The following SLIT3 variants were observed in gnomAD, a reference collection of about 807,000 sequenced individuals.
The protein encoded by SLIT3 is slit homolog 3 protein.
In SLIT3, 68 loss-of-function variants were observed where a neutral mutation model predicts 184.0. The ratio of observed to expected loss-of-function variants is 0.37; its 90% confidence interval spans 0.30 to 0.45. The LOEUF (loss-of-function observed/expected upper bound fraction) is 0.45. SLIT3 is among the 20% of genes least tolerant of loss of function. The pLI is 1.00. For missense variants in SLIT3, 1,707 were observed against 2,026.0 expected, an observed-to-expected ratio of 0.84 and a Z score of 3.02; for synonymous variants, 831 against 828.6, an observed-to-expected ratio of 1.00 and a Z score of -0.05.
At chr5:168,914,874 A>G (rs1421344202) in intron 4 of SLIT3, among the ~76,000 whole-genome samples, 1 of 152,162 alleles carries the variant, frequency 6.6e-6, no homozygotes, top group Non-Finnish European at 1.5e-5. Flanking sequence ...TCCACTGTAG[A>G]GGACATTGGG....
chr5:168,988,909 A>T (rs1406244140), intron 4 of SLIT3, among the ~76,000 whole-genome samples: 1 of 152,180 alleles, frequency 6.6e-6, no homozygotes, highest in Non-Finnish European at 1.5e-5. Context: ...CCAGGCCAGC[A>T]TTTGTCCTCA....
At chr5:168,914,264 G>A (rs1214326985) in intron 4 of SLIT3, among the ~76,000 whole-genome samples, 1 of 152,176 alleles carries the variant, frequency 6.6e-6, no homozygotes, top group Non-Finnish European at 1.5e-5. Context: ...GAATTAATTA[G>A]GTTGCACTAA....
chr5:169,077,888 A>T (rs1200945837), intron 4 of SLIT3, among the ~76,000 whole-genome samples: 1 of 151,538 alleles, frequency 6.6e-6, no homozygotes, highest in African/African-American at 2.4e-5. Context: ...ATATTATTTT[A>T]AAAAATAGCA....
At position 169,105,164 on chromosome 5, in the gene SLIT3, G is replaced by C. The variant is rs527423817; in HGVS notation, c.413+88315C>G. 3.3e-5 allele frequency among the ~76,000 whole-genome samples: 5 copies of C among 152,148 alleles called. No homozygotes were observed. The East Asian group carries it at 9.7e-4, about 29-fold the overall frequency. ...TTTCCCCTTTGTTTTCTCATGGCTC[G>C]TGGGTTCAGGGTTTCTTTTATTTTT... On this transcript the variant is annotated intron_variant, in intron 4 of 35. Transcript: ENST00000519560.
chr5:168,814,489 G>C (rs971374570), intron 8 of SLIT3, among the ~76,000 whole-genome samples: 1 of 152,148 alleles, frequency 6.6e-6, no homozygotes, highest in Admixed American at 6.5e-5. Flanking sequence ...GTGGGGCTCA[G>C]GCATTGGGGC....
chr5:168,722,800 T>A, intron 22 of SLIT3, 133 bp downstream of exon 22: 1 of 726,760 alleles, frequency 1.4e-6, no homozygotes, highest in Middle Eastern at 3.4e-4. Flanking sequence ...TTAAGGTGTA[T>A]CTTATGCTAG....
intron 4 of SLIT3, among the ~76,000 whole-genome samples, chr5:169,145,105 G>A (rs1244612562): frequency 6.6e-6 from 1 of 152,186 alleles, no homozygotes; most frequent in Non-Finnish European, 1.5e-5. Flanking sequence ...ATTTGTTCAA[G>A]GTGCATCATC....
intron 32 of SLIT3, among the ~76,000 whole-genome samples, chr5:168,673,989 T>C (rs1761332745): frequency 6.6e-6 from 1 of 152,234 alleles, no homozygotes; most frequent in African/African-American, 2.4e-5. Context: ...CCCTTAAATA[T>C]CAGCAAGGAT....
intron 4 of SLIT3, among the ~76,000 whole-genome samples, chr5:169,161,304 C>T (rs943234412): frequency 3.9e-5 from 6 of 152,236 alleles, no homozygotes; most frequent in Admixed American, 2.6e-4. Context: ...CTCCCACTGC[C>T]TGCCCTCTCA....
In SLIT3 at chr5:169,009,538, C is replaced by A. The variant is rs919770984; in HGVS notation, c.414-126202G>T. ...CATGAAGAACAAACCTGTAGTAAAC[C>A]AGGGTTGTCATATTTGGTCTGTCGT... On this transcript the variant is annotated intron_variant, in intron 4 of 35. Coordinates refer to ENST00000519560, the MANE Select transcript of SLIT3 (RefSeq NM_003062.4). Among the ~76,000 whole-genome samples, 6 of 152,214 alleles carry A rather than the reference C, an allele frequency of 3.9e-5. No homozygotes were observed. The East Asian group carries it at 1.2e-3, about 29-fold the overall frequency.
At chr5:168,831,657 G>C (rs1757886466) in intron 6 of SLIT3, among the ~76,000 whole-genome samples, 1 of 152,134 alleles carries the variant, frequency 6.6e-6, no homozygotes, top group Admixed American at 6.5e-5. Flanking sequence ...AAAGTGATTT[G>C]GCACCGGGTG....
Position 169,006,611 on chromosome 5 carries a change from A to T in SLIT3, c.414-123275T>A, listed in dbSNP as rs1044171261. Among the ~76,000 whole-genome samples, 501 of 141,152 alleles carry T rather than the reference A, an allele frequency of 3.5e-3. 4 individuals carry two copies. Among genetic ancestry groups the T allele is most frequent in the African/African-American group, 0.011 (376 of 34,990 alleles). The allele number at this position is 141,152 out of a possible 152,430, so 92.6% of individuals were successfully genotyped here. On this transcript the variant is annotated intron_variant, in intron 4 of 35. Coordinates refer to ENST00000519560, the MANE Select transcript of SLIT3 (RefSeq NM_003062.4). ...CTCTCTCTCTCTCTCTCTCTCACAC[A>T]CACACACACACACACACACAACTCT...
intron 4 of SLIT3, among the ~76,000 whole-genome samples, chr5:169,076,203 A>C (rs1024950951): frequency 5.3e-5 from 8 of 152,206 alleles, no homozygotes; most frequent in African/African-American, 1.9e-4. Flanking sequence ...AGGAAGATGC[A>C]TTGACTTTTC....
chr5:168,668,840 G>A (rs2113161207), intron 35 of SLIT3, among the ~76,000 whole-genome samples: 1 of 152,332 alleles, frequency 6.6e-6, no homozygotes, highest in South Asian at 2.1e-4. Flanking sequence ...GTTGATCTTG[G>A]CTGACTGTAA....
At chr5:168,740,137 C>T (rs1763575598) in intron 20 of SLIT3, among the ~76,000 whole-genome samples, 1 of 152,114 alleles carries the variant, frequency 6.6e-6, no homozygotes, top group Non-Finnish European at 1.5e-5. Context: ...ATTTAAGAGC[C>T]TCTGGTGGAA....
intron 5 of SLIT3, among the ~76,000 whole-genome samples, chr5:168,880,583 T>C (rs1759915595): frequency 6.6e-6 from 1 of 152,254 alleles, no homozygotes; most frequent in African/African-American, 2.4e-5. Context: ...ATACCTTTCA[T>C]GCATCAAGCG....
chr5:169,161,243 C>T (rs988111231), intron 4 of SLIT3, among the ~76,000 whole-genome samples: 5 of 152,212 alleles, frequency 3.3e-5, no homozygotes, highest in Admixed American at 6.5e-5. Context: ...TGTGGTCGGC[C>T]GCTAATTCAG....
intron 3 of SLIT3, among the ~76,000 whole-genome samples, chr5:169,234,878 T>C (rs1765139775): frequency 6.6e-6 from 1 of 152,240 alleles, no homozygotes; most frequent in Non-Finnish European, 1.5e-5. Flanking sequence ...ACTTGTATTC[T>C]GACATAAGGT....
At chr5:169,238,219 CT>C (rs1272358134) in intron 3 of SLIT3, among the ~76,000 whole-genome samples, 1 of 151,998 alleles carries the variant, frequency 6.6e-6, no homozygotes, top group Non-Finnish European at 1.5e-5. Context: ...TTGTTAAGTT[CT>C]TTTTTGAGTT....
Sources: allele counts gnomAD v4.1 joint callset (sites outside exome capture counted in the v4.1 genomes callset), GRCh38; gene constraint gnomAD v4.1.1; transcripts MANE v1.5; gene names NCBI Gene and HGNC (gene_info 2026-07-23, HGNC 2026-07-21).